Variants in SCARA5 observed in about 807,000 individuals in gnomAD.
SCARA5 encodes scavenger receptor class A member 5.
Under a neutral mutation model 46.3 loss-of-function variants are expected in SCARA5, and 45 were observed. That is an observed-to-expected ratio of 0.97 (90% CI 0.76 to 1.24). The LOEUF (loss-of-function observed/expected upper bound fraction) is 1.24. Among genes scored for constraint, SCARA5 ranks in the 50% most tolerant of loss-of-function variants. SCARA5 has a pLI of 0.00. For missense variants in SCARA5, 680 were observed against 689.0 expected (o/e 0.99, Z 0.15); for synonymous variants, 333 against 306.5 (o/e 1.09, Z -0.90).
chr8:27,954,884 C>T (rs1233881613), intron 3 of SCARA5, among the ~76,000 whole-genome samples: 12 of 152,158 alleles, frequency 7.9e-5, no homozygotes, highest in Admixed American at 7.9e-4. Flanking sequence ...CGGAAAGATG[C>T]CATTTTTCCA....
chr8:27,989,129 CTTTTTTTTTTTT>C (rs34929623), intron 1 of SCARA5, among the ~76,000 whole-genome samples: 1 of 68,312 alleles, frequency 1.5e-5, no homozygotes, highest in Admixed American at 2.2e-4. Context: ...TTCTTTCTTT[CTTTTTTTTTTTT>C]TTTTTTTTTT....
intron 3 of SCARA5, among the ~76,000 whole-genome samples, chr8:27,941,800 C>CATTATTATTATTATT (rs71536304): frequency 4.6e-4 from 62 of 135,302 alleles, no homozygotes; most frequent in South Asian, 2.7e-3. Context: ...TTTACATCAT[C>CATTATTATTATTATT]ATTATTATTA....
chr8:27,975,841 G>A lies in SCARA5; in HGVS notation c.113-9299C>T, dbSNP rs535196949. On this transcript the variant is annotated intron_variant, in intron 2 of 8. Coordinates refer to ENST00000354914, the MANE Select transcript of SCARA5 (RefSeq NM_173833.6). ...AGCCTGGTCTTCCACAGGGCCAGAT[G>A]CACCCAAGCCTTTCACACCCACTTC... is the stretch of plus-strand genomic sequence containing the variant. Among the ~76,000 whole-genome samples the A allele has an allele frequency of 3.9e-5, 6 of 152,244 alleles. No homozygotes were observed. The East Asian group carries it at 5.8e-4, about 15-fold the overall frequency.
chr8:27,973,926 T>C (rs1312574234), intron 2 of SCARA5, among the ~76,000 whole-genome samples: 10 of 152,178 alleles, frequency 6.6e-5, no homozygotes. Flanking sequence ...TGTGAAGACT[T>C]CCTCCTAAAA....
intron 4 of SCARA5, among the ~76,000 whole-genome samples, chr8:27,914,963 G>T (rs1394833784): frequency 5.3e-5 from 8 of 152,194 alleles, no homozygotes; most frequent in African/African-American, 1.9e-4. Flanking sequence ...TAGGGGACCT[G>T]TGTGGGCTGG....
chr8:27,888,160 C>G (rs1806927392), intron 7 of SCARA5, among the ~76,000 whole-genome samples: 1 of 152,110 alleles, frequency 6.6e-6, no homozygotes, highest in Non-Finnish European at 1.5e-5. Context: ...AGGCTCAAGC[C>G]ATTCTCTCCC....
In SCARA5 at chr8:27,879,539, C is replaced by T. The variant is rs1217524478; in HGVS notation, c.1351+30G>A. On this transcript the variant is annotated intron_variant, in intron 8 of 8. Transcript: ENST00000354914. ...AGTCCTAGGATGTGCAGGCCCTCTC[C>T]TCATGTTTTTTGCCCTCAGAGCGCC... is the stretch of plus-strand genomic sequence containing the variant. 6 of 1,596,396 alleles carry T rather than the reference C, an allele frequency of 3.8e-6. No individual in the cohort carries two copies. In the East Asian group the frequency reaches 1.1e-4, roughly 30 times the overall value.
At chr8:27,979,665 T>G (rs775054909) in intron 2 of SCARA5, among the ~76,000 whole-genome samples, 5 of 152,014 alleles carry the variant, frequency 3.3e-5, no homozygotes, top group Non-Finnish European at 5.9e-5. Context: ...GCAATTCTCC[T>G]GCCTCATTCT....
At chr8:27,910,724 AAGT>A (rs908072162) in intron 4 of SCARA5, among the ~76,000 whole-genome samples, 3 of 152,192 alleles carry the variant, frequency 2.0e-5, no homozygotes, top group African/African-American at 7.2e-5. Context: ...GCTGCTTAGG[AAGT>A]AGAAGAGACT....
At chr8:27,872,214 G>A (rs1330452635) in intron 8 of SCARA5, 144 bp from the exon 9 acceptor site, 58 of 719,858 alleles carry the variant, frequency 8.1e-5, no homozygotes, top group Non-Finnish European at 1.0e-4. Flanking sequence ...CACGCCCCCC[G>A]AAGACCTCAT....
chr8:27,902,238 G>C (rs1807166768), intron 7 of SCARA5, among the ~76,000 whole-genome samples: 1 of 152,158 alleles, frequency 6.6e-6, no homozygotes, highest in African/African-American at 2.4e-5. Flanking sequence ...AGTCCCTGAG[G>C]GGAGGCTGTC....
intron 7 of SCARA5, chr8:27,904,226 G>A (rs1807213959): frequency 6.4e-6 from 1 of 155,324 alleles, no homozygotes. Flanking sequence ...CTTTGTCTCT[G>A]CACCTTTCCC....
intron 3 of SCARA5, among the ~76,000 whole-genome samples, chr8:27,944,830 A>C (rs1324523142): frequency 6.6e-6 from 1 of 152,106 alleles, no homozygotes; most frequent in African/African-American, 2.4e-5. Context: ...AGATCACGCC[A>C]CTGCACTCGT....
chr8:27,899,744 T>G (rs1398988599), intron 7 of SCARA5, among the ~76,000 whole-genome samples: 1 of 152,204 alleles, frequency 6.6e-6, no homozygotes, highest in African/African-American at 2.4e-5. Context: ...GCTGTACTAT[T>G]TGGGAGGATC....
At chr8:27,879,899 C>A in intron 7 of SCARA5, 133 bp from the exon 8 acceptor site, 2 of 799,330 alleles carry the variant, frequency 2.5e-6, no homozygotes, top group Non-Finnish European at 3.9e-6. Flanking sequence ...AAGACTTCAG[C>A]CCCCAAATCA....
chr8:27,903,947 G>A (rs1807206691), intron 7 of SCARA5, among the ~76,000 whole-genome samples: 1 of 152,128 alleles, frequency 6.6e-6, no homozygotes, highest in Non-Finnish European at 1.5e-5. Context: ...TGGGTTTGGT[G>A]TTTTTTCTTT....
At chr8:27,924,795 G>C (rs1480928511) in intron 3 of SCARA5, among the ~76,000 whole-genome samples, 1 of 152,136 alleles carries the variant, frequency 6.6e-6, no homozygotes, top group African/African-American at 2.4e-5. Context: ...AAACTCTCAG[G>C]ATACAAAATC....
At chr8:27,954,590 T>C (rs884829) in intron 3 of SCARA5, among the ~76,000 whole-genome samples, 40,084 of 152,166 alleles carry the variant, frequency 0.26, 5,361 homozygotes, top group East Asian at 0.44. Flanking sequence ...TTTTAAACAA[T>C]GCTCTGAGAC....
chr8:27,911,605 C>T lies in SCARA5; in HGVS notation c.917-1862G>A, dbSNP rs1025431128. On this transcript the variant is annotated intron_variant, in intron 4 of 8. Coordinates refer to ENST00000354914, the MANE Select transcript of SCARA5 (RefSeq NM_173833.6). Reference sequence around the variant, plus strand: ...TACTCTGGAGGCTGAGCAGGAGAATCGCCTGAATCCGGGAGGCAGAGGCTG... The same window carrying T: ...TACTCTGGAGGCTGAGCAGGAGAATTGCCTGAATCCGGGAGGCAGAGGCTG... Among the ~76,000 whole-genome samples the T allele has an allele frequency of 6.6e-5, 10 of 152,066 alleles. No homozygotes were observed. In the East Asian group the frequency reaches 7.7e-4, roughly 12 times the overall value.
Sources: gnomAD v4.1 joint callset for allele counts (sites outside exome capture counted in the v4.1 genomes callset) on GRCh38, gnomAD v4.1.1 for gene constraint, MANE v1.5 for transcripts, NCBI Gene and HGNC (gene_info 2026-07-23, HGNC 2026-07-21) for gene names.